Variants in POLR3F observed in about 807,000 individuals in gnomAD.
POLR3F encodes DNA-directed RNA polymerase III subunit RPC6.
In POLR3F, 31 loss-of-function variants were observed where a neutral mutation model predicts 43.6. The observed-to-expected ratio is 0.71, with a 90% CI of 0.53 to 0.96. The LOEUF (loss-of-function observed/expected upper bound fraction) is 0.96, where lower values mean the gene tolerates loss of function less well. Ranked by LOEUF, POLR3F falls within the 40% of genes least tolerant of loss-of-function variation. The pLI is 0.00. For missense variants in POLR3F, 316 were observed against 391.7 expected (o/e 0.81, Z 1.63); for synonymous variants, 114 against 132.5 (o/e 0.86, Z 0.96).
intron 2 of POLR3F, among the ~76,000 whole-genome samples, chr20:18,471,754 A>T (rs911577114): frequency 3.3e-5 from 5 of 152,224 alleles, no homozygotes; most frequent in Admixed American, 3.3e-4. Context: ...AGGCCGAGGT[A>T]GGCGGATCAC....
rs1181816383 is a variant in POLR3F, at chr20:18,481,729, T to C, written c.792T>C (p.Asp264=). ...AAKEGTVGSV[D]GHMKLYRAVN... Reference sequence around the variant, plus strand: ...AAGAAGGCACAGTTGGCAGTGTAGATGGACACATGAAACTGTACAGGGCAG... The same window carrying C: ...AAGAAGGCACAGTTGGCAGTGTAGACGGACACATGAAACTGTACAGGGCAG... Residue 264 remains aspartate, a synonymous_variant, in exon 8 of 9, where the codon GAT becomes GAC. Coordinates refer to ENST00000377603, the MANE Select transcript of POLR3F (RefSeq NM_006466.4). 1 of 1,613,476 alleles carries C rather than the reference T, an allele frequency of 6.2e-7. No homozygotes were observed. Among genetic ancestry groups the C allele is most frequent in the East Asian group, 2.2e-5 (1 of 44,870 alleles).
Position 18,483,984 on chromosome 20 carries a change from C to T in POLR3F, c.*426C>T. 2.5e-6 allele frequency: 1 copy of T among 397,314 alleles called. No homozygotes were observed. Among genetic ancestry groups the T allele is most frequent in the East Asian group, 3.6e-5 (1 of 28,006 alleles). 24.6% of individuals were successfully genotyped at this position (397,314 alleles called of 1,614,324 possible). A position where few individuals can be genotyped will look rare whatever the true frequency, so the allele number is the denominator to read the frequency against. On this transcript the variant is annotated 3_prime_UTR_variant, in exon 9 of 9. Transcript: ENST00000377603. ...ATATCTGGTTCACTACCACCATTTTCTGTTTCCTACTTTCTCAGTGGTTTC... is the reference window on the plus strand; with the variant it reads ...ATATCTGGTTCACTACCACCATTTTTTGTTTCCTACTTTCTCAGTGGTTTC...
intron 2 of POLR3F, 58 bp from the exon 3 acceptor site, chr20:18,472,784 T>C: frequency 1.3e-6 from 1 of 764,486 alleles, no homozygotes; most frequent in Non-Finnish European, 2.2e-6. Context: ...CATTTGTCAT[T>C]TGATTTAACA....
chr20:18,472,709 T>C (rs1601252790), intron 2 of POLR3F, 133 bp from the exon 3 acceptor site: 1 of 545,008 alleles, frequency 1.8e-6, no homozygotes, highest in East Asian at 3.2e-5. Flanking sequence ...GTTAGTGATA[T>C]TTTGAAAAAT....
chr20:18,481,733 C>A lies in POLR3F; in HGVS notation c.796C>A (p.His266Asn). Residue 266 changes from histidine (H) to asparagine (N), a missense_variant, in exon 8 of 9, where the codon CAC (histidine) becomes AAC (asparagine). Physicochemically the swap from His to Asn is moderately conservative, Grantham distance 68 (BLOSUM62 1). Around this residue, in one of 3 missense-constraint regions of POLR3F, gnomAD observed 85 missense variants for 80.2 expected, o/e 1.06. Coordinates refer to ENST00000377603, the MANE Select transcript of POLR3F (RefSeq NM_006466.4). Reference sequence around the variant, plus strand: ...AGGCACAGTTGGCAGTGTAGATGGACACATGAAACTGTACAGGGCAGTCAA... The same window carrying A: ...AGGCACAGTTGGCAGTGTAGATGGAAACATGAAACTGTACAGGGCAGTCAA... ...KEGTVGSVDGHMKLYRAVNPI... is the reference protein window; with the variant it reads ...KEGTVGSVDGNMKLYRAVNPI... The A allele has an allele frequency of 6.2e-7, 1 of 1,612,952 alleles. No homozygotes were observed. The highest frequency in any genetic ancestry group is 1.1e-5 in the South Asian group (1 of 91,042).
intron 3 of POLR3F, 119 bp from the exon 4 acceptor site, chr20:18,473,268 CCTTT>C (rs1050278967): frequency 5.0e-5 from 26 of 522,124 alleles, no homozygotes; most frequent in African/African-American, 3.8e-4. Flanking sequence ...TTAAGGTAAG[CCTTT>C]CTTTTGGTAA....
rs2059811711 is a variant in POLR3F at position 18,481,813 on chromosome 20, G to C, written c.873+3G>C. 6.2e-7 allele frequency: 1 copy of C among 1,601,270 alleles called. No homozygotes were observed. On this transcript the variant is annotated splice_donor_region_variant and intron_variant, in intron 8 of 8. Transcript: ENST00000377603. ...GGGCACCCTGTGGACTCTGCCCGGTGAGTTAAAGTGGCTTCACTTTACACT... is the reference window on the plus strand; with the variant it reads ...GGGCACCCTGTGGACTCTGCCCGGTCAGTTAAAGTGGCTTCACTTTACACT...
chr20:18,473,692 A>G (rs898087409), intron 4 of POLR3F, among the ~76,000 whole-genome samples: 1 of 152,216 alleles, frequency 6.6e-6, no homozygotes. Flanking sequence ...AGACGTCTGA[A>G]TTCTGAGTCA....
At chr20:18,477,259 A>G (rs996611241) in intron 5 of POLR3F, among the ~76,000 whole-genome samples, 1 of 152,230 alleles carries the variant, frequency 6.6e-6, no homozygotes, top group Non-Finnish European at 1.5e-5. Flanking sequence ...AGATACCACT[A>G]CACACCTATT....
chr20:18,477,634 A>T (rs1241309063), intron 5 of POLR3F, among the ~76,000 whole-genome samples: 1 of 152,252 alleles, frequency 6.6e-6, no homozygotes, highest in Non-Finnish European at 1.5e-5. Flanking sequence ...TCATGAAAAG[A>T]TATGAGTAAA....
In POLR3F at chr20:18,483,609, G is replaced by A. The variant is rs750811574; in HGVS notation, c.*51G>A. 1 of 771,054 alleles carries A rather than the reference G, an allele frequency of 1.3e-6. No homozygotes were observed. Among genetic ancestry groups the A allele is most frequent in the Admixed American group, 2.7e-5 (1 of 37,366 alleles). 47.8% of individuals were successfully genotyped at this position (771,054 alleles called of 1,614,324 possible). On this transcript the variant is annotated 3_prime_UTR_variant, in exon 9 of 9. Transcript: ENST00000377603. ...TTTTGCAAATGAAGTTACTTAGGGA[G>A]CAGATAATTTAATTCATGATGGAAC...
Position 18,467,415 on chromosome 20 carries a change from A to C in POLR3F, c.-92A>C. The C allele has an allele frequency of 1.4e-6, 2 of 1,414,502 alleles. No individual in the cohort carries two copies. Among genetic ancestry groups the C allele is most frequent in the Admixed American group, 3.5e-5 (2 of 57,760 alleles). The allele number at this position is 1,414,502 out of a possible 1,614,324, so 87.6% of individuals were successfully genotyped here. On this transcript the variant is annotated 5_prime_UTR_variant, in exon 1 of 9. Transcript: ENST00000377603. Reference sequence around the variant, plus strand: ...GAAGAAGGCCCCTCGGCCTCAGCAGAGCGCTATCCTCCACTGGTTCCCCGG... The same window carrying C: ...GAAGAAGGCCCCTCGGCCTCAGCAGCGCGCTATCCTCCACTGGTTCCCCGG...
rs2059698449 is a variant in POLR3F at position 18,467,515 on chromosome 20, G to C, written c.9G>C (p.Glu3Asp). Residue 3 changes from glutamate to aspartate, a missense_variant, in exon 1 of 9, where the codon GAG becomes GAC. Glu to Asp is a conservative substitution (Grantham distance 45, BLOSUM62 2). This residue lies in a region of POLR3F where 122 missense variants were observed against 133.8 expected (regional missense o/e 0.91). Transcript: ENST00000377603. MA[E>D]VKVKVQPPDA... ...TCAGGAACTGCGCCCTCATGGCGGA[G>C]GTGAAGGTGAAGGTGCAGCCGCCTG... 1 of 1,614,140 alleles carries C rather than the reference G, an allele frequency of 6.2e-7. No homozygotes were observed. Among genetic ancestry groups the C allele is most frequent in the Non-Finnish European group, 8.5e-7 (1 of 1,180,036 alleles).
intron 7 of POLR3F, 65 bp from the exon 8 acceptor site, chr20:18,481,554 T>TA: frequency 8.8e-7 from 1 of 1,135,834 alleles, no homozygotes; most frequent in Non-Finnish European, 1.3e-6. Flanking sequence ...TTACTGTTTT[T>TA]AACACCCTCC....
intron 8 of POLR3F, among the ~76,000 whole-genome samples, chr20:18,483,163 C>G (rs1395124297): frequency 1.3e-5 from 2 of 152,016 alleles, no homozygotes; most frequent in African/African-American, 4.8e-5. Context: ...CTCCCAGGTT[C>G]AAGCAATTCT....
intron 2 of POLR3F, among the ~76,000 whole-genome samples, chr20:18,471,742 G>A (rs2059752718): frequency 6.6e-6 from 1 of 152,242 alleles, no homozygotes. Context: ...CAGCACTTTG[G>A]GAGGCCGAGG....
chr20:18,473,629 G>A (rs755829508), intron 4 of POLR3F, among the ~76,000 whole-genome samples, 171 bp downstream of exon 4: 31 of 152,166 alleles, frequency 2.0e-4, no homozygotes, highest in Non-Finnish European at 3.8e-4. Flanking sequence ...GAGTAAGGCC[G>A]TTGTTGCCTT....
In POLR3F at chr20:18,478,260, G is replaced by A. The variant is rs535778386; in HGVS notation, c.430-1778G>A. Reference sequence around the variant, plus strand: ...AGACATGGTCTGGCTCTGTCACCCAGACTGGAGTGCAGTGGCACAATCACA... The same window carrying A: ...AGACATGGTCTGGCTCTGTCACCCAAACTGGAGTGCAGTGGCACAATCACA... On this transcript the variant is annotated intron_variant, in intron 5 of 8. Transcript: ENST00000377603. Among the ~76,000 whole-genome samples the A allele has an allele frequency of 6.0e-5, 9 of 150,006 alleles. No individual in the cohort carries two copies. The South Asian group carries it at 1.9e-3, about 32-fold the overall frequency.
chr20:18,483,697 AT>A lies in POLR3F; in HGVS notation c.*147del, dbSNP rs75195416. 29 of 430,526 alleles carry A rather than the reference AT, an allele frequency of 6.7e-5. No homozygotes were observed. Among genetic ancestry groups the A allele is most frequent in the African/African-American group, 8.2e-5 (4 of 48,806 alleles). 26.7% of individuals were successfully genotyped at this position (430,526 alleles called of 1,614,324 possible). ...CGTAGACTTGCTGCTATGAAAACAT[AT>A]TTTTTTTATTTATGAAGACTAAATT... On this transcript the variant is annotated 3_prime_UTR_variant, in exon 9 of 9. Transcript: ENST00000377603.
Sources: gnomAD v4.1 joint callset for allele counts (sites outside exome capture counted in the v4.1 genomes callset) on GRCh38, gnomAD v4.1.1 for gene constraint, gnomAD v4.1.1 regional missense constraint, MANE v1.5 for transcripts, NCBI Gene and HGNC (gene_info 2026-07-23, HGNC 2026-07-21) for gene names.